MTMR3: variants seen among roughly 807,000 people sequenced by gnomAD.
The protein encoded by MTMR3 is myotubularin related protein 3, also known as phosphatidylinositol-3,5-bisphosphate 3-phosphatase MTMR3.
MTMR3 carries 32 observed loss-of-function variants against 132.4 expected under a neutral mutation model. The ratio of observed to expected loss-of-function variants is 0.24; its 90% confidence interval spans 0.18 to 0.32. MTMR3 has a LOEUF of 0.32. Ranked by LOEUF, MTMR3 falls within the 10% of genes least tolerant of loss-of-function variation. The pLI is 1.00. For synonymous variants in MTMR3, 556 were observed against 550.3 expected (o/e 1.01, Z -0.14); for missense variants, 1,216 against 1,489.6 (o/e 0.82, Z 3.02).
In MTMR3 at chr22:30,016,671, C is replaced by T. The variant is rs370496502; in HGVS notation, c.1647C>T (p.Asn549=). The T allele has an allele frequency of 1.9e-6, 3 of 1,613,884 alleles. No homozygotes were observed. In the African/African-American group the frequency reaches 4.0e-5, roughly 22 times the overall value. The change falls in exon 15 of 20, where the codon AAC becomes AAT. Residue 549 remains asparagine (N), a synonymous_variant. Transcript: ENST00000401950. ...LLRAGNKAFK[N]LLYSSQSEAV... Reference sequence around the variant, plus strand: ...GGGCAGGCAACAAGGCTTTCAAAAACCTACTGTATTCCTCTCAGTCAGAAG... The same window carrying T: ...GGGCAGGCAACAAGGCTTTCAAAAATCTACTGTATTCCTCTCAGTCAGAAG...
intron 1 of MTMR3, chr22:29,899,767 G>A (rs2064969737): frequency 6.6e-6 from 1 of 152,174 alleles, no homozygotes; most frequent in South Asian, 2.1e-4. Context: ...GGTTATCTTT[G>A]GTGGTGAGGA....
intron 1 of MTMR3, among the ~76,000 whole-genome samples, chr22:29,913,241 C>G (rs867799467): frequency 6.6e-6 from 1 of 152,030 alleles, no homozygotes; most frequent in Admixed American, 6.6e-5. Context: ...GCGAGACTCC[C>G]ATCTCAAAAC....
chr22:29,989,743 C>G (rs1453919845), intron 6 of MTMR3: 2 of 152,088 alleles, frequency 1.3e-5, no homozygotes, highest in African/African-American at 4.8e-5. Flanking sequence ...GTCCACATGT[C>G]CTTCATTGGT....
At chr22:29,899,743 G>A (rs1376823925) in intron 1 of MTMR3, 1 of 152,200 alleles carries the variant, frequency 6.6e-6, no homozygotes, top group East Asian at 1.9e-4. Flanking sequence ...GATGGGAATG[G>A]AAATCAGAAT....
At chr22:29,896,166 TG>T (rs1224175137) in intron 1 of MTMR3, among the ~76,000 whole-genome samples, 3 of 152,004 alleles carry the variant, frequency 2.0e-5, no homozygotes, top group Non-Finnish European at 4.4e-5. Context: ...AAAAATTAGT[TG>T]GGCATGGTGG....
chr22:29,926,160 G>C (rs1272230154), intron 1 of MTMR3, among the ~76,000 whole-genome samples: 1 of 152,012 alleles, frequency 6.6e-6, no homozygotes, highest in Admixed American at 6.6e-5. Flanking sequence ...TTTTGTGCTG[G>C]CTGCTTTCAT....
At position 29,898,912 on chromosome 22, in the gene MTMR3, C is replaced by CTTTT. The variant is rs199656050; in HGVS notation, c.-138+15565_-138+15568dup. Among the ~76,000 whole-genome samples, 89 of 143,016 alleles carry CTTTT rather than the reference C, an allele frequency of 6.2e-4. 1 individual carries two copies. The highest frequency in any genetic ancestry group is 4.7e-3 in the South Asian group (21 of 4,494). 93.8% of individuals were successfully genotyped at this position (143,016 alleles called of 152,430 possible). A position where few individuals can be genotyped will look rare whatever the true frequency, so the allele number is the denominator to read the frequency against. ...GAAAATTTACAAAAATTTCTCACAT[C>CTTTT]TTTTTTTTTTTTTTTAATGAAAGTA... On this transcript the variant is annotated intron_variant, in intron 1 of 19. Coordinates refer to ENST00000401950, the MANE Select transcript of MTMR3 (RefSeq NM_021090.4).
At chr22:29,888,484 T>A (rs867572376) in intron 1 of MTMR3, among the ~76,000 whole-genome samples, 5 of 152,192 alleles carry the variant, frequency 3.3e-5, no homozygotes, top group Admixed American at 6.5e-5. Flanking sequence ...AAAAGAAAAT[T>A]GTGAAGGTGG....
chr22:29,963,965 T>C (rs1476404395), intron 2 of MTMR3, among the ~76,000 whole-genome samples: 2 of 152,196 alleles, frequency 1.3e-5, no homozygotes. Context: ...TGGACATGTT[T>C]TTGTTTTCTT....
chr22:30,020,155 A>G lies in MTMR3; in HGVS notation c.2496A>G (p.Gln832=). The G allele has an allele frequency of 6.2e-7, 1 of 1,614,232 alleles. No individual in the cohort carries two copies. Among genetic ancestry groups the G allele is most frequent in the Non-Finnish European group, 8.5e-7 (1 of 1,180,040 alleles). The part of the protein sequence containing the change: ...TSQSCSLLPS[Q]VPFETRGPNV... ...AGTCATGTTCTCTGCTACCTTCCCA[A>G]GTCCCTTTTGAGACCAGAGGACCAA... The change falls in exon 17 of 20, where the codon CAA becomes CAG. Residue 832 remains glutamine (Q), a synonymous_variant. Transcript: ENST00000401950.
chr22:29,931,391 AT>A (rs773929264), intron 1 of MTMR3, among the ~76,000 whole-genome samples: 13 of 152,298 alleles, frequency 8.5e-5, no homozygotes, highest in Non-Finnish European at 1.8e-4. Flanking sequence ...TGATAATAGT[AT>A]TTAGTTTCTG....
intron 13 of MTMR3, chr22:30,012,807 T>C (rs2067467039): frequency 1.6e-5 from 6 of 363,716 alleles, no homozygotes; most frequent in Non-Finnish European, 2.9e-5. Context: ...CTTTACAGTC[T>C]ATCTACTTGT....
At chr22:29,994,685 A>G (rs2067027681) in intron 7 of MTMR3, 2 of 152,228 alleles carry the variant, frequency 1.3e-5, no homozygotes, top group Non-Finnish European at 2.9e-5. Flanking sequence ...AGTCTTCTCT[A>G]CCTAGCCTGC....
intron 2 of MTMR3, among the ~76,000 whole-genome samples, chr22:29,964,146 T>C (rs986426642): frequency 1.3e-5 from 2 of 152,232 alleles, no homozygotes; most frequent in African/African-American, 4.8e-5. Flanking sequence ...AGTGCATGCA[T>C]TACTCGTATA....
At chr22:29,967,248 C>CGT (rs2066445901) in intron 2 of MTMR3, among the ~76,000 whole-genome samples, 2 of 149,044 alleles carry the variant, frequency 1.3e-5, no homozygotes, top group Admixed American at 6.7e-5. Flanking sequence ...CGCGCGCGCG[C>CGT]GCATGTTTTT....
chr22:30,022,908 T>C, intron 19 of MTMR3: 1 of 556,668 alleles, frequency 1.8e-6, no homozygotes, highest in South Asian at 2.3e-5. Flanking sequence ...AATTCTGAAA[T>C]GTGCAAATGG....
chr22:29,995,237 C>G (rs910737857), intron 7 of MTMR3: 7 of 152,240 alleles, frequency 4.6e-5, no homozygotes, highest in African/African-American at 1.7e-4. Flanking sequence ...CAGGAAGTTG[C>G]ATCTAGAGGA....
intron 1 of MTMR3, among the ~76,000 whole-genome samples, chr22:29,925,841 A>G (rs2065505652): frequency 6.6e-6 from 1 of 152,142 alleles, no homozygotes; most frequent in Admixed American, 6.5e-5. Flanking sequence ...CTTGAACTCA[A>G]GATGCGGAGG....
chr22:30,016,301 A>T, intron 14 of MTMR3: 1 of 482,956 alleles, frequency 2.1e-6, no homozygotes, highest in South Asian at 2.8e-5. Context: ...TTATCACGGA[A>T]GCTAAGAGGA....
Sources: gnomAD v4.1 joint callset for allele counts (sites outside exome capture counted in the v4.1 genomes callset) on GRCh38, gnomAD v4.1.1 for gene constraint, MANE v1.5 for transcripts, NCBI Gene and HGNC (gene_info 2026-07-23, HGNC 2026-07-21) for gene names.